The following SHLD2 variants were observed in gnomAD, a reference collection of about 807,000 sequenced individuals.
SHLD2 encodes the protein RINN1-REV7-interacting novel NHEJ regulator 2.
SHLD2 carries 30 observed loss-of-function variants against 73.2 expected under a neutral mutation model. The ratio of observed to expected loss-of-function variants is 0.41; its 90% CI spans 0.31 to 0.56. The LOEUF is 0.56. Ranked by LOEUF, SHLD2 falls within the 20% of genes least tolerant of loss-of-function variation. The pLI is 0.28. For synonymous variants in SHLD2, 285 were observed against 370.1 expected (o/e 0.77, Z 2.64); for missense variants, 745 against 1,055.9 (o/e 0.71, Z 4.08).
At chr10:87,181,218 CAA>C (rs1240727171) in intron 8 of SHLD2, among the ~76,000 whole-genome samples, 61,756 of 107,908 alleles carry the variant, frequency 0.57, 16,591 homozygotes, top group South Asian at 0.66. Context: ...CCATCTCTAC[CAA>C]AAAAAAAAAA....
intron 2 of SHLD2, among the ~76,000 whole-genome samples, chr10:87,110,060 G>A (rs1456296900): frequency 6.6e-6 from 1 of 152,022 alleles, no homozygotes; most frequent in African/African-American, 2.4e-5. Flanking sequence ...GGCTGACACA[G>A]TTAAGATCAC....
At chr10:87,125,408 A>G (rs1414013552) in intron 2 of SHLD2, among the ~76,000 whole-genome samples, 1 of 152,180 alleles carries the variant, frequency 6.6e-6, no homozygotes, top group Non-Finnish European at 1.5e-5. Context: ...CATTGACTAC[A>G]TTGTCTACTA....
At position 87,166,194 on chromosome 10, in the gene SHLD2, T is replaced by C. The variant is rs1380122998; in HGVS notation, c.1634-4284T>C. On this transcript the variant is annotated intron_variant, in intron 4 of 9. Transcript: ENST00000298786. ...TGCAATAAACATGGAAAAATAGATA[T>C]GTAAAGATTGGAAAGGTAGAAATAA... Among the ~76,000 whole-genome samples the C allele has an allele frequency of 4.6e-5, 7 of 152,034 alleles. No individual in the cohort carries two copies. The South Asian group carries it at 1.0e-3, about 23-fold the overall frequency.
chr10:87,129,396 CAG>C (rs1483984033), intron 2 of SHLD2, among the ~76,000 whole-genome samples: 1 of 152,128 alleles, frequency 6.6e-6, no homozygotes, highest in Non-Finnish European at 1.5e-5. Flanking sequence ...TGGCTTCACT[CAG>C]TGTTTTCAGT....
rs151327238 is a variant in SHLD2, at chr10:87,156,665, A to G, written c.1526-1383A>G. On this transcript the variant is annotated intron_variant, in intron 3 of 9. Coordinates refer to ENST00000298786, the MANE Select transcript of SHLD2 (RefSeq NM_001330112.2). ...CCTCCATGCACCACTAGTGATTACC[A>G]TGTCACTAATCCAACATATGCTTCA... Among the ~76,000 whole-genome samples the G allele has an allele frequency of 1.6e-3, 243 of 152,304 alleles. 6 individuals are homozygous for G. The East Asian group carries it at 0.036, about 23-fold the overall frequency.
At position 87,148,815 on chromosome 10, in the gene SHLD2, G is replaced by A. The variant is rs182573495; in HGVS notation, c.-5-2535G>A. Among the ~76,000 whole-genome samples, 349 of 151,994 alleles carry A rather than the reference G, an allele frequency of 2.3e-3. 2 individuals carry two copies. Among genetic ancestry groups the A allele is most frequent in the Non-Finnish European group, 1.1e-3 (73 of 67,966 alleles). ...TGGAGAAGAAAGCCAAAGATCTGAC[G>A]GAGGAGAATTCATTATCATGGTAAT... On this transcript the variant is annotated intron_variant, in intron 2 of 9. Coordinates refer to ENST00000298786, the MANE Select transcript of SHLD2 (RefSeq NM_001330112.2).
At chr10:87,156,031 C>T (rs1269447138) in intron 3 of SHLD2, among the ~76,000 whole-genome samples, 2 of 150,166 alleles carry the variant, frequency 1.3e-5, no homozygotes, top group Admixed American at 1.3e-4. Context: ...GTAGTTCATA[C>T]TACCTATTGA....
chr10:87,163,273 G>C (rs9421602), intron 4 of SHLD2, among the ~76,000 whole-genome samples: 1 of 152,074 alleles, frequency 6.6e-6, no homozygotes, highest in African/African-American at 2.4e-5. Context: ...AAAATACCTC[G>C]GTTTATTTGT....
intron 2 of SHLD2, among the ~76,000 whole-genome samples, chr10:87,106,417 A>G (rs552840319): frequency 7.6e-6 from 1 of 132,278 alleles, no homozygotes; most frequent in East Asian, 2.0e-4. Context: ...CGCAATTTAC[A>G]AAAGGGGGGG....
intron 2 of SHLD2, among the ~76,000 whole-genome samples, chr10:87,149,063 T>G (rs1234243048): frequency 6.6e-6 from 1 of 151,418 alleles, no homozygotes; most frequent in Non-Finnish European, 1.5e-5. Flanking sequence ...AATTTTTGTG[T>G]TTTTAGTAGA....
chr10:87,094,795 G>C, upstream of SHLD2: 8 of 1,513,092 alleles, frequency 5.3e-6, no homozygotes, highest in Non-Finnish European at 7.1e-6. This position sits in a 1 kb window ranked among gnomAD's most constrained non-coding sequence, Gnocchi z 6.6. Context: ...GGAGGTGCGT[G>C]ATGGTCGCGA....
At chr10:87,183,855 C>A (rs1431686160) in intron 8 of SHLD2, among the ~76,000 whole-genome samples, 2 of 152,202 alleles carry the variant, frequency 1.3e-5, no homozygotes, top group African/African-American at 4.8e-5. Flanking sequence ...TCTTTCTCAG[C>A]CTCTTCTACC....
intron 2 of SHLD2, among the ~76,000 whole-genome samples, chr10:87,124,746 G>GT (rs201784628): frequency 0.036 from 4,680 of 129,448 alleles, 104 homozygotes; most frequent in Non-Finnish European, 0.052. Flanking sequence ...TAAAAAAATT[G>GT]TTTTTTTTTT....
chr10:87,142,581 A>T (rs1712937884), intron 2 of SHLD2, among the ~76,000 whole-genome samples: 1 of 152,196 alleles, frequency 6.6e-6, no homozygotes, highest in Non-Finnish European at 1.5e-5. Context: ...CCCTGAATGA[A>T]CGTTAAAGAT....
chr10:87,122,154 G>A (rs1193000941), intron 2 of SHLD2, among the ~76,000 whole-genome samples: 2 of 96,906 alleles, frequency 2.1e-5, no homozygotes, highest in Non-Finnish European at 3.9e-5. Context: ...TTTCCATGTT[G>A]TCTTTCTCCA....
At chr10:87,109,718 A>G (rs138080325) in intron 2 of SHLD2, among the ~76,000 whole-genome samples, 150 of 152,302 alleles carry the variant, frequency 9.8e-4, no homozygotes, top group Non-Finnish European at 1.6e-3. Context: ...TGTCATCTTG[A>G]TCAGTGTGAG....
chr10:87,180,053 T>G (rs1300714439), intron 7 of SHLD2, 22 bp from the exon 8 acceptor site: 3 of 1,595,134 alleles, frequency 1.9e-6, no homozygotes, highest in Non-Finnish European at 2.6e-6. Context: ...TAATTTATAA[T>G]ATATCTGTTT....
chr10:87,120,350 C>G (rs1414634886), intron 2 of SHLD2, among the ~76,000 whole-genome samples: 1 of 151,882 alleles, frequency 6.6e-6, no homozygotes, highest in Admixed American at 6.6e-5. Context: ...CAGGTTCATG[C>G]CATTCTCCTG....
intron 4 of SHLD2, among the ~76,000 whole-genome samples, chr10:87,161,195 T>C (rs1208578052): frequency 2.0e-5 from 3 of 152,122 alleles, no homozygotes; most frequent in Non-Finnish European, 4.4e-5. Context: ...TTTGCGTCTG[T>C]AATTCTAGCC....
Sources: allele counts gnomAD v4.1 joint callset (sites outside exome capture counted in the v4.1 genomes callset), GRCh38; gene constraint gnomAD v4.1.1; non-coding constraint Gnocchi (gnomAD v3.1); transcripts MANE v1.5; gene names NCBI Gene and HGNC (gene_info 2026-07-23, HGNC 2026-07-21).